DEXI: variants seen among roughly 807,000 people sequenced by gnomAD.
DEXI encodes dexamethasone-induced protein.
A neutral mutation model predicts 2.5 loss-of-function variants in DEXI; 2 were observed. That is an observed-to-expected ratio of 0.81 (90% CI 0.33 to 2.55). The LOEUF (loss-of-function observed/expected upper bound fraction) is 2.55. Ranked by LOEUF, DEXI falls within the 30% of genes most tolerant of loss-of-function variation. The pLI is 0.11. For missense variants in DEXI, 108 were observed against 130.3 expected (o/e 0.83, Z 0.83); for synonymous variants, 71 against 68.7 (o/e 1.03, Z -0.17).
rs2041096224 is a variant in DEXI, at chr16:10,941,067, C to T, written c.*149+502G>A. The T allele has an allele frequency of 6.6e-6, 1 of 152,302 alleles. No individual in the cohort carries two copies. Among genetic ancestry groups the T allele is most frequent in the Admixed American group, 6.5e-5 (1 of 15,292 alleles). The allele number at this position is 152,302 out of a possible 1,614,324, so 9.4% of individuals were successfully genotyped here. A position where few individuals can be genotyped will look rare whatever the true frequency, so the allele number is the denominator to read the frequency against. ...TTGCTTGCGATTTCTCCTCTCACAG[C>T]TTTGGCCTAGAGCCCCTGCACTTAA... On this transcript the variant is annotated intron_variant, in intron 1 of 1. Transcript: ENST00000331808. The surrounding 1 kb of genome is among the most constrained non-coding windows in gnomAD (Gnocchi z 6.4).
rs547621746 is a variant in DEXI at position 10,940,564 on chromosome 16, G to C, written c.*149+1005C>G. The C allele has an allele frequency of 6.6e-6, 1 of 152,428 alleles. No individual in the cohort carries two copies. Among genetic ancestry groups the C allele is most frequent in the East Asian group, 1.9e-4 (1 of 5,180 alleles). The allele number at this position is 152,428 out of a possible 1,614,324, so 9.4% of individuals were successfully genotyped here. On this transcript the variant is annotated intron_variant, in intron 1 of 1. Transcript: ENST00000331808. This position sits in a 1 kb window ranked among gnomAD's most constrained non-coding sequence, Gnocchi z 4.2. The stretch of plus-strand genomic sequence containing the variant: ...GACACTCCAGTACTGTCCAGTCTCA[G>C]GGGCTGAGCCAAGGCGTTCCTGCCT...
In DEXI at chr16:10,942,123, GC is replaced by G; in HGVS notation, c.-119del. On this transcript the variant is annotated 5_prime_UTR_variant, in exon 1 of 2. Coordinates refer to ENST00000331808, the MANE Select transcript of DEXI (RefSeq NM_014015.4). The surrounding 1 kb of genome is among the most constrained non-coding windows in gnomAD (Gnocchi z 5.0). ...AGGGGTACCCTGGAGCCCGACAGAA[GC>G]AGGGCCGGGCTCCAGATGTCCCCTG... 1.4e-6 allele frequency: 1 copy of G among 717,062 alleles called. No individual in the cohort carries two copies. The highest frequency in any genetic ancestry group is 3.6e-5 in the South Asian group (1 of 27,440). 44.4% of individuals were successfully genotyped at this position (717,062 alleles called of 1,614,324 possible).
rs944664309 is a variant in DEXI, at chr16:10,929,073, A to C, written c.*636T>G. ...TTGCCAACTTGCTGAAGAACGAGTA[A>C]CCTGAAATGAAGGAGCGAGAATCCC... On this transcript the variant is annotated 3_prime_UTR_variant, in exon 2 of 2. Transcript: ENST00000331808. The surrounding 1 kb of genome is among the most constrained non-coding windows in gnomAD (Gnocchi z 4.3). The C allele has an allele frequency of 3.6e-5, 13 of 361,924 alleles. No individual in the cohort carries two copies. The highest frequency in any genetic ancestry group is 2.0e-4 in the African/African-American group (9 of 45,214). The allele number at this position is 361,924 out of a possible 1,614,324, so 22.4% of individuals were successfully genotyped here.
In DEXI at chr16:10,941,971, G is replaced by C. The variant is rs2145449346; in HGVS notation, c.35C>G (p.Ala12Gly). The change falls in exon 1 of 2, where the codon GCA becomes GGA. Residue 12 changes from alanine (A) to glycine (G), a missense_variant. Coordinates refer to ENST00000331808, the MANE Select transcript of DEXI (RefSeq NM_014015.4). This position sits in a 1 kb window ranked among gnomAD's most constrained non-coding sequence, Gnocchi z 6.4. The stretch of plus-strand genomic sequence containing the variant: ...CACGTAGGGGACCAGGGGGCCCAGT[G>C]CGTCCAGGTGGGCCGCGACCCGGGC... ...LGARVAAHLD[A>G]LGPLVPYVPP... 6.5e-7 allele frequency: 1 copy of C among 1,529,574 alleles called. No homozygotes were observed. Among genetic ancestry groups the C allele is most frequent in the African/African-American group, 1.4e-5 (1 of 71,216 alleles). 94.8% of individuals were successfully genotyped at this position (1,529,574 alleles called of 1,614,324 possible).
chr16:10,941,497 G>A lies in DEXI; in HGVS notation c.*149+72C>T. 4.4e-6 allele frequency: 6 copies of A among 1,351,694 alleles called. No homozygotes were observed. Among genetic ancestry groups the A allele is most frequent in the Non-Finnish European group, 5.8e-6 (6 of 1,043,358 alleles). 83.7% of individuals were successfully genotyped at this position (1,351,694 alleles called of 1,614,324 possible). ...AAGCCTGAGGGAGGGGTGTGTATCCGGCCTGGGAATTCCTCCCTCTCCCTT... is the reference window on the plus strand; with the variant it reads ...AAGCCTGAGGGAGGGGTGTGTATCCAGCCTGGGAATTCCTCCCTCTCCCTT... On this transcript the variant is annotated intron_variant, in intron 1 of 1. Coordinates refer to ENST00000331808, the MANE Select transcript of DEXI (RefSeq NM_014015.4). This position sits in a 1 kb window ranked among gnomAD's most constrained non-coding sequence, Gnocchi z 6.4.
In DEXI at chr16:10,941,789, G is replaced by C. The variant is rs770699316; in HGVS notation, c.217C>G (p.Leu73Val). The change falls in exon 1 of 2, where the codon CTC becomes GTC. Residue 73 changes from leucine (L) to valine (V), a missense_variant. Physicochemically the swap from Leu to Val is conservative, Grantham distance 32. Coordinates refer to ENST00000331808, the MANE Select transcript of DEXI (RefSeq NM_014015.4). The surrounding 1 kb of genome is among the most constrained non-coding windows in gnomAD (Gnocchi z 6.4). ...TAAAGGCCCGAGCCGGGGTCGGAGAGCACGCCGAGGTCCACGAGCGCCTGG... is the reference window on the plus strand; with the variant it reads ...TAAAGGCCCGAGCCGGGGTCGGAGACCACGCCGAGGTCCACGAGCGCCTGG... ...MDQALVDLGVLSDPGSGLYDA... is the reference protein window; with the variant it reads ...MDQALVDLGVVSDPGSGLYDA... 1.2e-6 allele frequency: 2 copies of C among 1,613,746 alleles called. No individual in the cohort carries two copies. The highest frequency in any genetic ancestry group is 1.7e-6 in the Non-Finnish European group (2 of 1,179,862).
In DEXI at chr16:10,934,662, C is replaced by A. The variant is rs751129176; in HGVS notation, c.*150-5103G>T. 1 of 152,180 alleles carries A rather than the reference C, an allele frequency of 6.6e-6. No homozygotes were observed. The highest frequency in any genetic ancestry group is 2.1e-4 in the South Asian group (1 of 4,826). The allele number at this position is 152,180 out of a possible 1,614,324, so 9.4% of individuals were successfully genotyped here. A position where few individuals can be genotyped will look rare whatever the true frequency, so the allele number is the denominator to read the frequency against. On this transcript the variant is annotated intron_variant, in intron 1 of 1. Coordinates refer to ENST00000331808, the MANE Select transcript of DEXI (RefSeq NM_014015.4). The surrounding 1 kb of genome is among the most constrained non-coding windows in gnomAD (Gnocchi z 4.2). Reference sequence around the variant, plus strand: ...CCTGGTCTAATGGAACCCTCCTTGGCGGCTTCACAGGGTGATGCTTGGGGC... The same window carrying A: ...CCTGGTCTAATGGAACCCTCCTTGGAGGCTTCACAGGGTGATGCTTGGGGC...
chr16:10,936,921 C>T (rs966155762), intron 1 of DEXI: 1 of 152,220 alleles, frequency 6.6e-6, no homozygotes, highest in Non-Finnish European at 1.5e-5. Context: ...GGAAAGCTAG[C>T]AGATAAACCA....
In DEXI at chr16:10,929,082, G is replaced by T; in HGVS notation, c.*627C>A. The T allele has an allele frequency of 4.7e-6, 2 of 421,304 alleles. No individual in the cohort carries two copies. The highest frequency in any genetic ancestry group is 9.9e-5 in the South Asian group (1 of 10,066). The allele number at this position is 421,304 out of a possible 1,614,324, so 26.1% of individuals were successfully genotyped here. ...TGCTGAAGAACGAGTAACCTGAAAT[G>T]AAGGAGCGAGAATCCCACCCTCAGC... is the stretch of plus-strand genomic sequence containing the variant. On this transcript the variant is annotated 3_prime_UTR_variant, in exon 2 of 2. Transcript: ENST00000331808. The surrounding 1 kb of genome is among the most constrained non-coding windows in gnomAD (Gnocchi z 4.3).
In DEXI at chr16:10,938,111, CTCTTACTATATACAAGGAGA is replaced by C. The variant is rs1351637735; in HGVS notation, c.*149+3438_*149+3457del. 1 of 152,214 alleles carries C rather than the reference CTCTTACTATATACAAGGAGA, an allele frequency of 6.6e-6. No individual in the cohort carries two copies. Among genetic ancestry groups the C allele is most frequent in the Non-Finnish European group, 1.5e-5 (1 of 68,040 alleles). The allele number at this position is 152,214 out of a possible 1,614,324, so 9.4% of individuals were successfully genotyped here. On this transcript the variant is annotated intron_variant, in intron 1 of 1. Transcript: ENST00000331808. The surrounding 1 kb of genome is among the most constrained non-coding windows in gnomAD (Gnocchi z 4.9). ...ATATGAGTGGTTAATATTAATACAT[CTCTTACTATATACAAGGAGA>C]TCTAAGTGCTTTATGTATATCTCAC...
Position 10,929,152 on chromosome 16 carries a change from G to T in DEXI, c.*557C>A, listed in dbSNP as rs2040663651. 1 of 937,770 alleles carries T rather than the reference G, an allele frequency of 1.1e-6. No individual in the cohort carries two copies. The highest frequency in any genetic ancestry group is 4.9e-5 in the South Asian group (1 of 20,336). The allele number at this position is 937,770 out of a possible 1,614,324, so 58.1% of individuals were successfully genotyped here. A position where few individuals can be genotyped will look rare whatever the true frequency, so the allele number is the denominator to read the frequency against. Reference sequence around the variant, plus strand: ...CTTCTTTTTCTTCTGAGTCACCCCTGAAACAGTCGCTGCATCTAAGACCAG... The same window carrying T: ...CTTCTTTTTCTTCTGAGTCACCCCTTAAACAGTCGCTGCATCTAAGACCAG... On this transcript the variant is annotated 3_prime_UTR_variant, in exon 2 of 2. Transcript: ENST00000331808. This position sits in a 1 kb window ranked among gnomAD's most constrained non-coding sequence, Gnocchi z 4.3.
rs2041066778 is a variant in DEXI at position 10,939,061 on chromosome 16, A to C, written c.*149+2508T>G. On this transcript the variant is annotated intron_variant, in intron 1 of 1. Transcript: ENST00000331808. The surrounding 1 kb of genome is among the most constrained non-coding windows in gnomAD (Gnocchi z 4.9). Reference sequence around the variant, plus strand: ...TTAGCACACGGCCTGGCAGAAGAGCAGGCAGGGTCAAAGTCTGTTGAATGA... The same window carrying C: ...TTAGCACACGGCCTGGCAGAAGAGCCGGCAGGGTCAAAGTCTGTTGAATGA... The C allele has an allele frequency of 6.6e-6, 1 of 152,244 alleles. No homozygotes were observed. Among genetic ancestry groups the C allele is most frequent in the Non-Finnish European group, 1.5e-5 (1 of 68,048 alleles). The allele number at this position is 152,244 out of a possible 1,614,324, so 9.4% of individuals were successfully genotyped here. A position where few individuals can be genotyped will look rare whatever the true frequency, so the allele number is the denominator to read the frequency against.
rs1443288932 is a variant in DEXI at position 10,938,962 on chromosome 16, C to T, written c.*149+2607G>A. ...TGGTAAAGAGATAAAATAAGACGTT[C>T]CTCACCAAGTTACACTGCTTCAAAG... On this transcript the variant is annotated intron_variant, in intron 1 of 1. Coordinates refer to ENST00000331808, the MANE Select transcript of DEXI (RefSeq NM_014015.4). The surrounding 1 kb of genome is among the most constrained non-coding windows in gnomAD (Gnocchi z 4.9). 1 of 152,222 alleles carries T rather than the reference C, an allele frequency of 6.6e-6. No individual in the cohort carries two copies. The highest frequency in any genetic ancestry group is 1.5e-5 in the Non-Finnish European group (1 of 68,042). 9.4% of individuals were successfully genotyped at this position (152,222 alleles called of 1,614,324 possible).
rs931659503 is a variant in DEXI at position 10,940,005 on chromosome 16, A to G, written c.*149+1564T>C. ...GGCAGGCTGGGGAGGTGTGCAGAGCACCTGGCACACACTCCCCCTGGCACT... is the reference window on the plus strand; with the variant it reads ...GGCAGGCTGGGGAGGTGTGCAGAGCGCCTGGCACACACTCCCCCTGGCACT... On this transcript the variant is annotated intron_variant, in intron 1 of 1. Transcript: ENST00000331808. This position sits in a 1 kb window ranked among gnomAD's most constrained non-coding sequence, Gnocchi z 4.2. 3.3e-5 allele frequency: 5 copies of G among 152,262 alleles called. No homozygotes were observed. The highest frequency in any genetic ancestry group is 5.9e-5 in the Non-Finnish European group (4 of 68,072). The allele number at this position is 152,262 out of a possible 1,614,324, so 9.4% of individuals were successfully genotyped here.
At chr16:10,936,149 C>G (rs2041014127) in intron 1 of DEXI, 2 of 152,048 alleles carry the variant, frequency 1.3e-5, no homozygotes, top group Middle Eastern at 3.2e-3. Context: ...TACCACAACA[C>G]CTCGCTATTT....
chr16:10,942,186 G>A lies in DEXI; in HGVS notation c.-181C>T, dbSNP rs60427854. 6.4e-4 allele frequency: 305 copies of A among 473,744 alleles called. 1 individual carries two copies. Among genetic ancestry groups the A allele is most frequent in the African/African-American group, 5.7e-3 (275 of 48,424 alleles). The allele number at this position is 473,744 out of a possible 1,614,324, so 29.3% of individuals were successfully genotyped here. On this transcript the variant is annotated 5_prime_UTR_variant, in exon 1 of 2. Coordinates refer to ENST00000331808, the MANE Select transcript of DEXI (RefSeq NM_014015.4). This position sits in a 1 kb window ranked among gnomAD's most constrained non-coding sequence, Gnocchi z 5.0. ...CCGACCCCCGAAATGCGCCGGGCGG[G>A]TCACCGCACCCCGAGATGTGCCCCC...
At chr16:10,936,362 A>G (rs2041021537) in intron 1 of DEXI, 1 of 152,170 alleles carries the variant, frequency 6.6e-6, no homozygotes, top group South Asian at 2.1e-4. Context: ...TCCTTGTTCT[A>G]AGGAAATAAA....
In DEXI at chr16:10,941,764, T is replaced by C; in HGVS notation, c.242A>G (p.Tyr81Cys). 1 of 1,612,926 alleles carries C rather than the reference T, an allele frequency of 6.2e-7. No homozygotes were observed. The highest frequency in any genetic ancestry group is 8.5e-7 in the Non-Finnish European group (1 of 1,179,536). Residue 81 changes from tyrosine to cysteine, a missense_variant, in exon 1 of 2, where the codon TAC (tyrosine) becomes TGC (cysteine). Tyr to Cys is a radical substitution (Grantham distance 194, BLOSUM62 -2). Coordinates refer to ENST00000331808, the MANE Select transcript of DEXI (RefSeq NM_014015.4). The surrounding 1 kb of genome is among the most constrained non-coding windows in gnomAD (Gnocchi z 6.4). ...GVLSDPGSGL[Y>C]DADSELDVFD... Reference sequence around the variant, plus strand: ...GACGTCGAGCTCCGAGTCAGCATCGTAAAGGCCCGAGCCGGGGTCGGAGAG... The same window carrying C: ...GACGTCGAGCTCCGAGTCAGCATCGCAAAGGCCCGAGCCGGGGTCGGAGAG...
chr16:10,941,703 A>G lies in DEXI; in HGVS notation c.*15T>C. ...TGCGGATCGTGTAGGGAAGAGGGGAACAGCAGTCGAGACCCTACTCCAAGT... is the reference window on the plus strand; with the variant it reads ...TGCGGATCGTGTAGGGAAGAGGGGAGCAGCAGTCGAGACCCTACTCCAAGT... On this transcript the variant is annotated 3_prime_UTR_variant, in exon 1 of 2. Coordinates refer to ENST00000331808, the MANE Select transcript of DEXI (RefSeq NM_014015.4). This position sits in a 1 kb window ranked among gnomAD's most constrained non-coding sequence, Gnocchi z 6.4. The G allele has an allele frequency of 6.3e-7, 1 of 1,594,304 alleles. No homozygotes were observed. Among genetic ancestry groups the G allele is most frequent in the Non-Finnish European group, 8.6e-7 (1 of 1,169,318 alleles).
Sources: gnomAD v4.1 joint callset for allele counts on GRCh38, gnomAD v4.1.1 for gene constraint, Gnocchi (gnomAD v3.1) non-coding constraint, MANE v1.5 for transcripts, NCBI Gene and HGNC (gene_info 2026-07-23, HGNC 2026-07-21) for gene names.